The following MGAT4C variants were observed in gnomAD, a reference collection of about 807,000 sequenced individuals.
MGAT4C encodes the protein MGAT4 family member C.
MGAT4C carries 19 observed loss-of-function variants against 40.1 expected under a neutral mutation model. The observed-to-expected ratio is 0.47, with a 90% confidence interval of 0.33 to 0.70. The LOEUF is 0.70. Among genes scored for constraint, MGAT4C ranks in the 30% least tolerant of loss-of-function variants. MGAT4C has a pLI of 0.02. For missense variants in MGAT4C, 491 were observed against 563.2 expected, an observed-to-expected ratio of 0.87 and a Z score of 1.30; for synonymous variants, 181 against 187.1, an observed-to-expected ratio of 0.97 and a Z score of 0.27.
chr12:86,357,380 C>T (rs1417858821), intron 3 of MGAT4C, among the ~76,000 whole-genome samples: 1 of 152,132 alleles, frequency 6.6e-6, no homozygotes, highest in Non-Finnish European at 1.5e-5. Context: ...GAAACTAGAG[C>T]AGAAAAGTGG....
At chr12:86,784,488 G>T (rs1270436666) in intron 1 of MGAT4C, among the ~76,000 whole-genome samples, 2 of 152,072 alleles carry the variant, frequency 1.3e-5, no homozygotes, top group Admixed American at 6.5e-5. Context: ...AACAAAAACT[G>T]ATCACATATG....
chr12:86,684,963 A>T (rs992760969), intron 2 of MGAT4C, among the ~76,000 whole-genome samples: 2 of 151,848 alleles, frequency 1.3e-5, no homozygotes, highest in African/African-American at 4.8e-5. Flanking sequence ...AGATTGCAAA[A>T]ATTTTCTCCT....
chr12:86,688,676 A>G (rs1950118969), intron 2 of MGAT4C, among the ~76,000 whole-genome samples: 1 of 151,900 alleles, frequency 6.6e-6, no homozygotes, highest in Non-Finnish European at 1.5e-5. Flanking sequence ...TTTGGCCCCC[A>G]CTCTCTTCTA....
At chr12:86,270,396 TACC>T (rs970188460) in intron 4 of MGAT4C, among the ~76,000 whole-genome samples, 12 of 152,110 alleles carry the variant, frequency 7.9e-5, no homozygotes, top group African/African-American at 2.9e-4. Flanking sequence ...TGGAACTCTG[TACC>T]ATTAAAAAAG....
chr12:86,815,774 C>T (rs1427008250), intron 1 of MGAT4C, among the ~76,000 whole-genome samples: 1 of 149,254 alleles, frequency 6.7e-6, no homozygotes, highest in Non-Finnish European at 1.5e-5. Flanking sequence ...AACCAAACAT[C>T]ATATGTTCTC....
chr12:86,447,692 T>C (rs1384908620), intron 2 of MGAT4C, among the ~76,000 whole-genome samples: 1 of 152,194 alleles, frequency 6.6e-6, no homozygotes, highest in East Asian at 1.9e-4. Context: ...CAAAATGATA[T>C]GTCAGCCATC....
chr12:86,006,994 T>G lies in MGAT4C; in HGVS notation c.-6-17442A>C, dbSNP rs533698921. On this transcript the variant is annotated intron_variant, in intron 2 of 4. Coordinates refer to ENST00000611864, the MANE Select transcript of MGAT4C (RefSeq NM_001351288.2). ...AAGGGTCATGATGAATCATTTTCTT[T>G]CTTTAACAGCATCTAAGAATCTGAT... Among the ~76,000 whole-genome samples, 8 of 152,298 alleles carry G rather than the reference T, an allele frequency of 5.3e-5. No individual in the cohort carries two copies. In the South Asian group the frequency reaches 1.5e-3, roughly 28 times the overall value.
intron 2 of MGAT4C, among the ~76,000 whole-genome samples, chr12:86,491,263 G>A (rs552236317): frequency 2.0e-5 from 3 of 152,008 alleles, no homozygotes; most frequent in Non-Finnish European, 2.9e-5. Flanking sequence ...CCAATCAATA[G>A]AAAAAGAGGG....
At chr12:86,064,047 G>T (rs567690701) in intron 1 of MGAT4C, among the ~76,000 whole-genome samples, 1 of 152,322 alleles carries the variant, frequency 6.6e-6, no homozygotes, top group East Asian at 1.9e-4. Context: ...GGACCAAGCA[G>T]TGCTAATATA....
intron 2 of MGAT4C, among the ~76,000 whole-genome samples, chr12:86,723,752 C>A (rs1350097220): frequency 6.6e-6 from 1 of 152,096 alleles, no homozygotes; most frequent in Admixed American, 6.6e-5. Context: ...TTTTCCTTAT[C>A]ATTTTTTCTA....
At chr12:86,700,075 A>AAGATAGATG (rs1950330743) in intron 2 of MGAT4C, among the ~76,000 whole-genome samples, 1 of 151,674 alleles carries the variant, frequency 6.6e-6, no homozygotes, top group Non-Finnish European at 1.5e-5. Flanking sequence ...TAAGATAGAT[A>AAGATAGATG]GATAATGTAG....
intron 2 of MGAT4C, among the ~76,000 whole-genome samples, chr12:86,480,340 G>A (rs1192158920): frequency 2.6e-5 from 4 of 151,564 alleles, no homozygotes; most frequent in African/African-American, 7.3e-5. Flanking sequence ...AACACAGCCT[G>A]ACAACTCAAA....
At chr12:86,400,482 C>T (rs1426481001) in intron 3 of MGAT4C, among the ~76,000 whole-genome samples, 5 of 152,066 alleles carry the variant, frequency 3.3e-5, no homozygotes, top group Admixed American at 3.3e-4. Flanking sequence ...CCTATTCTTC[C>T]TGCTTATTGG....
At chr12:86,324,460 T>C (rs1954475027) in intron 4 of MGAT4C, among the ~76,000 whole-genome samples, 1 of 151,950 alleles carries the variant, frequency 6.6e-6, no homozygotes. Flanking sequence ...TTGATTTTGA[T>C]ATATTTATTA....
At chr12:86,017,976 T>C (rs1305028057) in intron 2 of MGAT4C, among the ~76,000 whole-genome samples, 1 of 152,164 alleles carries the variant, frequency 6.6e-6, no homozygotes, top group Non-Finnish European at 1.5e-5. Flanking sequence ...AAGGAATTGA[T>C]GCTGATATGA....
intron 2 of MGAT4C, among the ~76,000 whole-genome samples, chr12:85,990,737 A>G (rs1229774162): frequency 2.6e-5 from 4 of 152,172 alleles, no homozygotes; most frequent in Non-Finnish European, 4.4e-5. Flanking sequence ...TGAAAGTGCT[A>G]TACATATTAC....
intron 1 of MGAT4C, among the ~76,000 whole-genome samples, chr12:86,155,303 C>T (rs1884796509): frequency 6.6e-6 from 1 of 151,956 alleles, no homozygotes; most frequent in African/African-American, 2.4e-5. Flanking sequence ...TAATGAATAG[C>T]CATTAGATGG....
intron 1 of MGAT4C, among the ~76,000 whole-genome samples, chr12:86,172,236 A>C (rs1593138773): frequency 6.6e-6 from 1 of 152,180 alleles, no homozygotes; most frequent in Non-Finnish European, 1.5e-5. Context: ...CAGAAACCAA[A>C]AAAATTAACA....
intron 3 of MGAT4C, among the ~76,000 whole-genome samples, chr12:86,422,407 A>T (rs1397598540): frequency 1.3e-5 from 2 of 152,214 alleles, no homozygotes; most frequent in Non-Finnish European, 2.9e-5. Context: ...CAGATCAGTT[A>T]AAAGAACATC....
Sources: allele counts gnomAD v4.1 joint callset (sites outside exome capture counted in the v4.1 genomes callset), GRCh38; gene constraint gnomAD v4.1.1; transcripts MANE v1.5; gene names NCBI Gene and HGNC (gene_info 2026-07-23, HGNC 2026-07-21).